DYNC2H1: variants seen among roughly 807,000 people sequenced by gnomAD.
The protein encoded by DYNC2H1 is cytoplasmic dynein 2 heavy chain 1.
DYNC2H1 carries 410 observed loss-of-function variants against 570.0 expected under a neutral mutation model. The observed-to-expected ratio is 0.72, with a 90% CI of 0.66 to 0.78. The LOEUF (loss-of-function observed/expected upper bound fraction) is 0.78. Ranked by LOEUF, DYNC2H1 falls within the 30% of genes least tolerant of loss-of-function variation. DYNC2H1 has a pLI of 0.00. For missense variants in DYNC2H1, 4,865 were observed against 5,046.4 expected, an observed-to-expected ratio of 0.96 and a Z score of 1.09; for synonymous variants, 1,688 against 1,677.6, an observed-to-expected ratio of 1.01 and a Z score of -0.15.
intron 70 of DYNC2H1, among the ~76,000 whole-genome samples, chr11:103,274,441 C>A (rs1430871): frequency 6.6e-6 from 1 of 151,728 alleles, no homozygotes; most frequent in Non-Finnish European, 1.5e-5. Context: ...TAAATGATAA[C>A]GTTTTTGAAT....
Position 103,187,392 on chromosome 11 carries a change from G to T in DYNC2H1, c.6946G>T (p.Val2316Phe). 6.2e-7 allele frequency: 1 copy of T among 1,613,212 alleles called. No homozygotes were observed. The change falls in exon 43 of 89, where the codon GTT (valine) becomes TTT (phenylalanine). Residue 2316 changes from valine to phenylalanine, a missense_variant. Val to Phe is a conservative substitution (Grantham distance 50, BLOSUM62 -1). Coordinates refer to ENST00000375735, the MANE Select transcript of DYNC2H1 (RefSeq NM_001377.3). ...ACTCCGGTCCACTCAAATTGCTACAGTTCACTGTAGTGCACAAACCACTTC... is the reference window on the plus strand; with the variant it reads ...ACTCCGGTCCACTCAAATTGCTACATTTCACTGTAGTGCACAAACCACTTC... ...SQLRSTQIAT[V>F]HCSAQTTSRH...
At chr11:103,110,310 C>G (rs1858050901) in intron 1 of DYNC2H1, among the ~76,000 whole-genome samples, 1 of 152,086 alleles carries the variant, frequency 6.6e-6, no homozygotes, top group Non-Finnish European at 1.5e-5. Context: ...CCGCGCCCGG[C>G]CTATATTCTA....
chr11:103,136,411 T>A (rs1591296608), intron 17 of DYNC2H1, among the ~76,000 whole-genome samples: 1 of 148,384 alleles, frequency 6.7e-6, no homozygotes, highest in East Asian at 2.1e-4. Context: ...GAGTGTGATG[T>A]TCCTTTTCCT....
At chr11:103,318,666 C>T (rs1204892966) in intron 80 of DYNC2H1, among the ~76,000 whole-genome samples, 1 of 152,070 alleles carries the variant, frequency 6.6e-6, no homozygotes, top group Admixed American at 6.5e-5. Flanking sequence ...ACAGGTTATG[C>T]ATTTGTTCAC....
At chr11:103,120,891 G>A (rs1010604752) in intron 8 of DYNC2H1, 34 bp from the exon 9 acceptor site, 4 of 1,275,062 alleles carry the variant, frequency 3.1e-6, no homozygotes, top group African/African-American at 1.6e-5. Context: ...TTGATCCGTT[G>A]GGATGAACAT....
In DYNC2H1 at chr11:103,174,153, G is replaced by A; in HGVS notation, c.5657G>A (p.Ser1886Asn). The change falls in exon 36 of 89, where the codon AGT becomes AAT. Residue 1886 changes from serine to asparagine, a missense_variant. This residue lies in a region of DYNC2H1 where 292 missense variants were observed against 300.2 expected (regional missense o/e 0.97). Transcript: ENST00000375735. ...SGNLLRQLNK[S>N]GTTQNANESH... Reference sequence around the variant, plus strand: ...AATCTCCTTAGACAGCTAAACAAAAGTGGCACTACACAGAATGGTATGATT... The same window carrying A: ...AATCTCCTTAGACAGCTAAACAAAAATGGCACTACACAGAATGGTATGATT... 1.3e-6 allele frequency: 2 copies of A among 1,577,708 alleles called. No homozygotes were observed. Among genetic ancestry groups the A allele is most frequent in the Non-Finnish European group, 1.7e-6 (2 of 1,159,984 alleles).
At chr11:103,166,170 A>T in intron 31 of DYNC2H1, 122 bp downstream of exon 31, 2 of 688,308 alleles carry the variant, frequency 2.9e-6, no homozygotes, top group Non-Finnish European at 2.1e-6. Context: ...GAATTACAAC[A>T]TATATACTTA....
intron 40 of DYNC2H1, 112 bp from the exon 41 acceptor site, chr11:103,184,784 T>C: frequency 9.6e-7 from 1 of 1,045,146 alleles, no homozygotes; most frequent in Non-Finnish European, 1.3e-6. Flanking sequence ...AATAGAGGAG[T>C]GAGTTTAAAA....
chr11:103,208,539 G>A (rs1375341908), intron 52 of DYNC2H1, among the ~76,000 whole-genome samples: 1 of 152,144 alleles, frequency 6.6e-6, no homozygotes, highest in Non-Finnish European at 1.5e-5. Flanking sequence ...TGTGGCTGCT[G>A]CACAGGGTAT....
chr11:103,210,167 G>A (rs1159163891), intron 53 of DYNC2H1, among the ~76,000 whole-genome samples: 1 of 151,836 alleles, frequency 6.6e-6, no homozygotes, highest in African/African-American at 2.4e-5. Flanking sequence ...GAACCCAACA[G>A]AATATCTACT....
chr11:103,376,654 T>G (rs1484988384), intron 83 of DYNC2H1, among the ~76,000 whole-genome samples: 2 of 152,230 alleles, frequency 1.3e-5, no homozygotes, highest in Non-Finnish European at 2.9e-5. Flanking sequence ...CCTTAGCCAC[T>G]ATTTGTAGCT....
chr11:103,461,726 GTT>G lies in DYNC2H1; in HGVS notation c.12648+5381_12648+5382del, dbSNP rs10570242. On this transcript the variant is annotated intron_variant, in intron 87 of 88. Transcript: ENST00000375735. This position sits in a 1 kb window ranked among gnomAD's most constrained non-coding sequence, Gnocchi z 4.8. ...ATGTAAACATCCTTTGGTCTTCAAG[GTT>G]TTTTTTTTTTAATAATGTTTAATAC... Among the ~76,000 whole-genome samples the G allele has an allele frequency of 0.33, 50,019 of 149,814 alleles. 9,335 individuals are homozygous for G. The highest frequency in any genetic ancestry group is 0.53 in the East Asian group (2,699 of 5,088).
intron 83 of DYNC2H1, among the ~76,000 whole-genome samples, chr11:103,360,556 A>G (rs190522838): frequency 5.1e-4 from 78 of 152,272 alleles, no homozygotes; most frequent in Admixed American, 2.4e-3. Context: ...AGGTACTTTT[A>G]TTATGAATGG....
At chr11:103,237,920 G>A (rs1475986107) in intron 63 of DYNC2H1, among the ~76,000 whole-genome samples, 6 of 152,040 alleles carry the variant, frequency 3.9e-5, no homozygotes, top group Non-Finnish European at 1.5e-5. Flanking sequence ...AAATTAATAA[G>A]CTTAAATTTA....
At chr11:103,259,110 A>C (rs1268228745) in intron 69 of DYNC2H1, among the ~76,000 whole-genome samples, 2 of 152,134 alleles carry the variant, frequency 1.3e-5, no homozygotes, top group African/African-American at 4.8e-5. Context: ...AAATTGTTTT[A>C]CTAGGTTTTT....
chr11:103,206,748 C>T (rs900297183), intron 52 of DYNC2H1, among the ~76,000 whole-genome samples: 1 of 152,162 alleles, frequency 6.6e-6, no homozygotes, highest in South Asian at 2.1e-4. Context: ...ATGTGGAAAT[C>T]GTTGGTGACT....
At chr11:103,150,684 A>G (rs574458178) in intron 20 of DYNC2H1, among the ~76,000 whole-genome samples, 79 of 152,294 alleles carry the variant, frequency 5.2e-4, no homozygotes, top group Middle Eastern at 3.4e-3. Flanking sequence ...GCTTAGACCA[A>G]CTGGTAGATA....
Position 103,181,996 on chromosome 11 carries a change from T to C in DYNC2H1, c.6477+110T>C. On this transcript the variant is annotated intron_variant, in intron 40 of 88. Coordinates refer to ENST00000375735, the MANE Select transcript of DYNC2H1 (RefSeq NM_001377.3). The surrounding 1 kb of genome is among the most constrained non-coding windows in gnomAD (Gnocchi z 5.0). ...ACTCTGCTGGAATGTGGGTGTGAGG[T>C]GAGAGGTGGATTTTGTCACTGCTAC... 8.1e-7 allele frequency: 1 copy of C among 1,230,238 alleles called. No homozygotes were observed. Among genetic ancestry groups the C allele is most frequent in the African/African-American group, 1.5e-5 (1 of 65,314 alleles). The allele number at this position is 1,230,238 out of a possible 1,614,324, so 76.2% of individuals were successfully genotyped here. A position where few individuals can be genotyped will look rare whatever the true frequency, so the allele number is the denominator to read the frequency against.
chr11:103,177,624 TG>T lies in DYNC2H1; in HGVS notation c.5945del (p.Gly1982ValfsTer11), dbSNP rs761134685. ...RMGVVIVGPS[G>X]AGKSTLWRML... is the part of the protein sequence containing the mutation. ...TGGGAGTTGTTATTGTTGGTCCAAG[TG>T]GTGCTGGAAAATCAACGCTTTGGAG... On this transcript the variant is annotated frameshift_variant, in exon 38 of 89. Transcript: ENST00000375735. LOFTEE classifies it high-confidence loss of function. The surrounding 1 kb of genome is among the most constrained non-coding windows in gnomAD (Gnocchi z 4.4). 6.2e-7 allele frequency: 1 copy of T among 1,613,342 alleles called. No homozygotes were observed. Among genetic ancestry groups the T allele is most frequent in the Non-Finnish European group, 8.5e-7 (1 of 1,179,632 alleles).
Sources: allele counts gnomAD v4.1 joint callset (sites outside exome capture counted in the v4.1 genomes callset), GRCh38; gene constraint gnomAD v4.1.1; regional missense constraint gnomAD v4.1.1; non-coding constraint Gnocchi (gnomAD v3.1); transcripts MANE v1.5; gene names NCBI Gene and HGNC (gene_info 2026-07-23, HGNC 2026-07-21).